Variants in SDK2 observed in about 807,000 individuals in gnomAD.
SDK2 encodes sidekick cell adhesion molecule 2.
In SDK2, 105 loss-of-function variants were observed where a neutral mutation model predicts 253.9. The ratio of observed to expected loss-of-function variants is 0.41; its 90% CI spans 0.35 to 0.49. SDK2 has a LOEUF of 0.49. SDK2 is among the 20% of genes least tolerant of loss of function. SDK2 has a pLI of 0.06. For missense variants in SDK2, 2,608 were observed against 3,003.0 expected (o/e 0.87, Z 3.07); for synonymous variants, 1,249 against 1,234.9 (o/e 1.01, Z -0.24).
At chr17:73,637,620 C>T (rs1005254230) in intron 1 of SDK2, among the ~76,000 whole-genome samples, 3 of 152,242 alleles carry the variant, frequency 2.0e-5, no homozygotes, top group Admixed American at 6.5e-5. Flanking sequence ...CTCAGCCTGC[C>T]TGCCTCGGCC....
intron 10 of SDK2, 93 bp downstream of exon 10, chr17:73,433,639 G>C (rs1456477939): frequency 1.1e-6 from 1 of 936,812 alleles, no homozygotes; most frequent in African/African-American, 1.6e-5. Context: ...AAGTGTACGT[G>C]GGGAACCCAA....
intron 4 of SDK2, among the ~76,000 whole-genome samples, chr17:73,450,849 C>T (rs572249361): frequency 1.1e-4 from 17 of 152,208 alleles, no homozygotes; most frequent in Non-Finnish European, 2.2e-4. Context: ...AAGGCCCTCA[C>T]AGGGAAGAGT....
At chr17:73,607,171 G>A (rs1389577729) in intron 1 of SDK2, among the ~76,000 whole-genome samples, 5 of 152,180 alleles carry the variant, frequency 3.3e-5, no homozygotes, top group Admixed American at 3.3e-4. Flanking sequence ...GACAACAAGT[G>A]GTCAAGAGGA....
chr17:73,346,788 A>C (rs375825258), intron 44 of SDK2, among the ~76,000 whole-genome samples: 1 of 151,442 alleles, frequency 6.6e-6, no homozygotes, highest in Non-Finnish European at 1.5e-5. Flanking sequence ...TGCAAAACCC[A>C]CTCTCCAAAG....
chr17:73,350,685 C>A lies in SDK2; in HGVS notation c.5864G>T (p.Gly1955Val). 1 of 1,613,462 alleles carries A rather than the reference C, an allele frequency of 6.2e-7. No individual in the cohort carries two copies. Among genetic ancestry groups the A allele is most frequent in the Admixed American group, 1.7e-5 (1 of 59,920 alleles). The change falls in exon 42 of 45, where the codon GGC becomes GTC. Residue 1955 changes from glycine to valine, a missense_variant. Coordinates refer to ENST00000392650, the MANE Select transcript of SDK2 (RefSeq NM_001144952.2). The part of the protein sequence containing the change: ...LLLVFVLIIR[G>V]QSKKYAKKTD... ...CTTCTTGGCGTACTTCTTGCTCTGG[C>A]CCCGGATGATGAGCACGAAGACCAG...
At chr17:73,348,264 G>A (rs957701274) in intron 44 of SDK2, among the ~76,000 whole-genome samples, 2 of 152,216 alleles carry the variant, frequency 1.3e-5, no homozygotes, top group Non-Finnish European at 2.9e-5. Flanking sequence ...TCTCCCCAGA[G>A]TCTCCCTCTC....
chr17:73,411,986 G>GTA (rs71157010), intron 18 of SDK2, among the ~76,000 whole-genome samples: 103,403 of 134,206 alleles, frequency 0.77, 40,173 homozygotes, highest in South Asian at 0.84. Context: ...ATATATCTAC[G>GTA]TATATATATA....
rs2046427605 is a variant in SDK2, at chr17:73,643,788, C to T, written c.64+237G>A. ...TTCACCTTGGGCTCTTCTCTGCCTC[C>T]CCAGGTCGTCCCCACCTTCCCCCAT... On this transcript the variant is annotated intron_variant, in intron 1 of 44. Coordinates refer to ENST00000392650, the MANE Select transcript of SDK2 (RefSeq NM_001144952.2). This position sits in a 1 kb window ranked among gnomAD's most constrained non-coding sequence, Gnocchi z 6.9. Among the ~76,000 whole-genome samples, 1 of 152,072 alleles carries T rather than the reference C, an allele frequency of 6.6e-6. No homozygotes were observed. Among genetic ancestry groups the T allele is most frequent in the Admixed American group, 6.5e-5 (1 of 15,282 alleles).
intron 1 of SDK2, among the ~76,000 whole-genome samples, chr17:73,628,039 G>A (rs933818334): frequency 1.3e-5 from 2 of 152,198 alleles, no homozygotes; most frequent in African/African-American, 4.8e-5. Context: ...GCGACAGAGC[G>A]AGACTCCGTC....
chr17:73,598,951 C>T (rs1021600754), intron 1 of SDK2, among the ~76,000 whole-genome samples: 7 of 152,240 alleles, frequency 4.6e-5, no homozygotes, highest in Non-Finnish European at 1.0e-4. Context: ...TAGTGGAACC[C>T]TTTCTTTAAG....
rs2062885948 is a variant in SDK2, at chr17:73,387,837, T to A, written c.4393A>T (p.Arg1465Trp). 6.4e-7 allele frequency: 1 copy of A among 1,570,062 alleles called. No homozygotes were observed. Among genetic ancestry groups the A allele is most frequent in the East Asian group, 2.3e-5 (1 of 42,586 alleles). Residue 1465 changes from arginine (R) to tryptophan (W), a missense_variant and splice_region_variant, in exon 30 of 45, where the codon AGG becomes TGG. Arg to Trp is a moderately radical substitution (Grantham distance 101, BLOSUM62 -3). Transcript: ENST00000392650. The part of the protein sequence containing the change: ...SHNASSFIVD[R>W]LKPFTSYKFR... ...TGCTGGCATGGACCCGAGCCTTACCTGTCCACAATGAAGCTGGAGGCATTG... is the reference window on the plus strand; with the variant it reads ...TGCTGGCATGGACCCGAGCCTTACCAGTCCACAATGAAGCTGGAGGCATTG...
At chr17:73,347,677 G>C (rs1034110361) in intron 44 of SDK2, among the ~76,000 whole-genome samples, 1 of 152,168 alleles carries the variant, frequency 6.6e-6, no homozygotes, top group African/African-American at 2.4e-5. Context: ...GTGGGATGCA[G>C]TGGCCTTTCG....
At chr17:73,636,838 AAT>A (rs2046338709) in intron 1 of SDK2, among the ~76,000 whole-genome samples, 1 of 152,158 alleles carries the variant, frequency 6.6e-6, no homozygotes, top group African/African-American at 2.4e-5. Flanking sequence ...CAGAAGTACA[AAT>A]ATAGTTAAAG....
chr17:73,338,818 C>A lies in SDK2; in HGVS notation c.6288G>T (p.Arg2096Ser). 1 of 1,613,928 alleles carries A rather than the reference C, an allele frequency of 6.2e-7. No homozygotes were observed. Among genetic ancestry groups the A allele is most frequent in the Non-Finnish European group, 8.5e-7 (1 of 1,179,884 alleles). ...SWRRQQKGIS[R>S]AQAYSYTESD... ...TCTCCGTGTAGCTGTAGGCCTGTGCCCTCGAGATGCCCTTCTGCTGTCGCC... is the reference window on the plus strand; with the variant it reads ...TCTCCGTGTAGCTGTAGGCCTGTGCACTCGAGATGCCCTTCTGCTGTCGCC... The change falls in exon 45 of 45, where the codon AGG becomes AGT. Residue 2096 changes from arginine (R) to serine (S), a missense_variant. Arg to Ser is a moderately radical substitution (Grantham distance 110). Coordinates refer to ENST00000392650, the MANE Select transcript of SDK2 (RefSeq NM_001144952.2). The surrounding 1 kb of genome is among the most constrained non-coding windows in gnomAD (Gnocchi z 5.0).
chr17:73,569,005 A>G (rs1262474204), intron 1 of SDK2, among the ~76,000 whole-genome samples: 1 of 152,162 alleles, frequency 6.6e-6, no homozygotes, highest in African/African-American at 2.4e-5. Context: ...TTCTTAATTT[A>G]CACTCATAGT....
chr17:73,456,818 C>A (rs2063528809), intron 3 of SDK2, among the ~76,000 whole-genome samples: 1 of 152,148 alleles, frequency 6.6e-6, no homozygotes, highest in Admixed American at 6.5e-5. Flanking sequence ...CGGGGCGGGA[C>A]AAGGGGGTAG....
intron 2 of SDK2, among the ~76,000 whole-genome samples, chr17:73,494,115 G>A (rs2063825576): frequency 6.6e-6 from 1 of 152,230 alleles, no homozygotes; most frequent in Non-Finnish European, 1.5e-5. Flanking sequence ...AAATGACACT[G>A]AGTGAAATTG....
At chr17:73,476,276 C>T (rs9908624) in intron 2 of SDK2, among the ~76,000 whole-genome samples, 2,053 of 152,218 alleles carry the variant, frequency 0.013, 52 homozygotes, top group African/African-American at 0.047. Flanking sequence ...CAAGCACAAA[C>T]GCACACACTT....
chr17:73,479,032 C>T (rs779841691), intron 2 of SDK2, among the ~76,000 whole-genome samples: 12 of 152,256 alleles, frequency 7.9e-5, no homozygotes, highest in Admixed American at 6.5e-4. Context: ...TCATGCAATC[C>T]ACCTCCCTGC....
Sources: gnomAD v4.1 joint callset for allele counts (sites outside exome capture counted in the v4.1 genomes callset) on GRCh38, gnomAD v4.1.1 for gene constraint, Gnocchi (gnomAD v3.1) non-coding constraint, MANE v1.5 for transcripts, NCBI Gene and HGNC (gene_info 2026-07-23, HGNC 2026-07-21) for gene names.